UBE2J2: variants seen among roughly 807,000 people sequenced by gnomAD.
UBE2J2 encodes ubiquitin-conjugating enzyme E2 J2.
Under a neutral mutation model 28.6 loss-of-function variants are expected in UBE2J2, and 5 were observed. The ratio of observed to expected loss-of-function variants is 0.17; its 90% CI spans 0.09 to 0.37. The LOEUF is 0.37. Among genes scored for constraint, UBE2J2 ranks in the 10% least tolerant of loss-of-function variants. The probability of loss-of-function intolerance (pLI) is 1.00; values close to 1 mark genes in which losing one functional copy is unlikely to be tolerated. For synonymous variants in UBE2J2, 138 were observed against 139.7 expected (o/e 0.99, Z 0.09); for missense variants, 226 against 338.9 (o/e 0.67, Z 2.62).
At position 1,255,364 on chromosome 1, in the gene UBE2J2, C is replaced by A. The variant is rs928340026; in HGVS notation, c.619G>T (p.Gly207Trp). 2 of 1,613,714 alleles carry A rather than the reference C, an allele frequency of 1.2e-6. No homozygotes were observed. The highest frequency in any genetic ancestry group is 1.7e-6 in the Non-Finnish European group (2 of 1,180,050). The change falls in exon 7 of 7, where the codon GGG becomes TGG. Residue 207 changes from glycine (G) to tryptophan (W), a missense_variant. Gly to Trp is a radical substitution (Grantham distance 184). Around this residue, in one of 3 missense-constraint regions of UBE2J2, gnomAD observed 133 missense variants for 161.5 expected, o/e 0.82. Coordinates refer to ENST00000349431, the MANE Select transcript of UBE2J2 (RefSeq NM_058167.3). ...TTTGGGACGGCCCCCGGCGCATGCC[C>A]GTTGAGCAGCTGAATCCCGTTCTGG... ...LVQNGIQLLN[G>W]HAPGAVPNLA...
chr1:1,265,559 T>C (rs1639799136), intron 2 of UBE2J2, among the ~76,000 whole-genome samples: 1 of 143,112 alleles, frequency 7.0e-6, no homozygotes, highest in East Asian at 2.0e-4. Context: ...ACTGCAGTTT[T>C]CTCTCGTGTG....
In UBE2J2 at chr1:1,272,558, CG is replaced by C. The variant is rs542956836; in HGVS notation, c.-1+1107del. ...CCACCAGACTGCTCCGGAGGCTGGA[CG>C]GAAGCCCGGGCCGATGGAAATGGGA... On this transcript the variant is annotated intron_variant, in intron 1 of 6. Transcript: ENST00000349431. Among the ~76,000 whole-genome samples, 370 of 152,288 alleles carry C rather than the reference CG, an allele frequency of 2.4e-3. 1 individual carries two copies. The highest frequency in any genetic ancestry group is 8.0e-3 in the African/African-American group (331 of 41,556).
intron 2 of UBE2J2, among the ~76,000 whole-genome samples, chr1:1,265,021 A>C (rs932505334): frequency 1.3e-5 from 2 of 152,186 alleles, no homozygotes; most frequent in African/African-American, 4.8e-5. Flanking sequence ...TTGACCCAGG[A>C]ACCCAGTGGC....
chr1:1,259,091 CGT>C (rs199734371), intron 3 of UBE2J2, among the ~76,000 whole-genome samples: 3 of 131,324 alleles, frequency 2.3e-5, no homozygotes, highest in East Asian at 2.7e-4. Context: ...TCAGGACGCA[CGT>C]GTGTGCATGT....
At chr1:1,266,178 C>G in intron 2 of UBE2J2, 1 of 1,296,992 alleles carries the variant, frequency 7.7e-7, no homozygotes, top group South Asian at 1.2e-5. Context: ...GGCTCCGCCT[C>G]ACCCTGGGTA....
chr1:1,262,441 G>C, intron 3 of UBE2J2: 1 of 392,508 alleles, frequency 2.5e-6, no homozygotes, highest in African/African-American at 2.1e-5. Context: ...CGGCCAAAAT[G>C]CCTTCAGGAG....
intron 5 of UBE2J2, 120 bp downstream of exon 5, chr1:1,256,872 C>CG: frequency 9.9e-7 from 1 of 1,011,888 alleles, no homozygotes; most frequent in East Asian, 3.0e-5. Flanking sequence ...GGAGACACAG[C>CG]GAGACTCCGT....
intron 5 of UBE2J2, among the ~76,000 whole-genome samples, chr1:1,256,493 G>A (rs1247585653): frequency 6.6e-6 from 1 of 152,230 alleles, no homozygotes; most frequent in African/African-American, 2.4e-5. Flanking sequence ...GCAAGACCGA[G>A]AGGCAGCGGG....
chr1:1,257,735 C>A (rs1174666499), intron 3 of UBE2J2, among the ~76,000 whole-genome samples: 1 of 151,992 alleles, frequency 6.6e-6, no homozygotes, highest in Non-Finnish European at 1.5e-5. Flanking sequence ...TGAGGCCGCC[C>A]CTCTCAGGAC....
chr1:1,256,203 G>A, intron 5 of UBE2J2, 78 bp from the exon 6 acceptor site: 1 of 1,082,324 alleles, frequency 9.2e-7, no homozygotes, highest in Admixed American at 1.8e-5. Context: ...TGATTTCAAA[G>A]TCAAGGGCTG....
chr1:1,260,902 C>T (rs1639519816), intron 3 of UBE2J2, among the ~76,000 whole-genome samples: 1 of 152,232 alleles, frequency 6.6e-6, no homozygotes, highest in African/African-American at 2.4e-5. Flanking sequence ...TACAGATTCA[C>T]TCAAGGGGAA....
chr1:1,266,098 CT>C, intron 2 of UBE2J2: 1 of 1,304,146 alleles, frequency 7.7e-7, no homozygotes, highest in Non-Finnish European at 1.0e-6. Flanking sequence ...TCCCTCTCAC[CT>C]GCCAGCGATG....
intron 6 of UBE2J2, 66 bp from the exon 7 acceptor site, chr1:1,255,553 G>A (rs1032134191): frequency 2.9e-5 from 44 of 1,522,080 alleles, no homozygotes; most frequent in Admixed American, 1.3e-4. Flanking sequence ...CAGCACTCCC[G>A]TTCTCAGGAG....
chr1:1,256,163 T>A, intron 5 of UBE2J2, 38 bp from the exon 6 acceptor site: 1 of 1,410,538 alleles, frequency 7.1e-7, no homozygotes, highest in Non-Finnish European at 1.0e-6. Flanking sequence ...AGAAAACTAA[T>A]TTCAATTCTT....
At chr1:1,266,648 C>G (rs535413902) in intron 2 of UBE2J2, among the ~76,000 whole-genome samples, 3 of 151,428 alleles carry the variant, frequency 2.0e-5, no homozygotes, top group Non-Finnish European at 4.4e-5. Flanking sequence ...GGTGAAACCC[C>G]GTCTCTACTA....
At chr1:1,271,161 C>T (rs1162826799) in intron 1 of UBE2J2, among the ~76,000 whole-genome samples, 1 of 152,208 alleles carries the variant, frequency 6.6e-6, no homozygotes. Context: ...AGGGCCCCCA[C>T]CAGGGATGGG....
At chr1:1,265,672 G>T (rs1639820393) in intron 2 of UBE2J2, among the ~76,000 whole-genome samples, 2 of 146,032 alleles carry the variant, frequency 1.4e-5, no homozygotes, top group South Asian at 4.4e-4. Flanking sequence ...TCTGTCGCCA[G>T]GCTGGAGTAC....
chr1:1,265,583 GTGTGTGTGTTTTCTCTCCAT>G (rs1415982800), intron 2 of UBE2J2, among the ~76,000 whole-genome samples: 2 of 149,988 alleles, frequency 1.3e-5, no homozygotes, highest in African/African-American at 4.9e-5. Context: ...GTGTGTGTGT[GTGTGTGTGTTTTCTCTCCAT>G]TGTGTGTGTG....
chr1:1,259,971 T>C (rs1253560013), intron 3 of UBE2J2, among the ~76,000 whole-genome samples: 1 of 152,226 alleles, frequency 6.6e-6, no homozygotes, highest in Non-Finnish European at 1.5e-5. Flanking sequence ...GTCTCTCTCT[T>C]GATCACTAGG....
Sources: allele counts gnomAD v4.1 joint callset (sites outside exome capture counted in the v4.1 genomes callset), GRCh38; gene constraint gnomAD v4.1.1; regional missense constraint gnomAD v4.1.1; transcripts MANE v1.5; gene names NCBI Gene and HGNC (gene_info 2026-07-23, HGNC 2026-07-21).